Variants in LRMDA observed in about 807,000 individuals in gnomAD.
LRMDA encodes the protein leucine rich melanocyte differentiation associated, also known as leucine-rich melanocyte differentiation-associated protein.
LRMDA carries 18 observed loss-of-function variants against 29.8 expected under a neutral mutation model. The observed-to-expected ratio is 0.60, with a 90% CI of 0.42 to 0.90. The LOEUF is 0.90. LRMDA is among the 40% of genes least tolerant of loss of function. The pLI is 0.00. For missense variants in LRMDA, 273 were observed against 273.9 expected, an observed-to-expected ratio of 1.00 and a Z score of 0.02; for synonymous variants, 125 against 109.4, an observed-to-expected ratio of 1.14 and a Z score of -0.89.
At chr10:75,435,056 G>A (rs1049770875) in intron 1 of LRMDA, among the ~76,000 whole-genome samples, 8 of 152,162 alleles carry the variant, frequency 5.3e-5, no homozygotes. Context: ...CCTGGTAATG[G>A]TGTCCCTTCC....
At chr10:76,066,107 C>T (rs1054016076) in intron 5 of LRMDA, among the ~76,000 whole-genome samples, 2 of 152,202 alleles carry the variant, frequency 1.3e-5, no homozygotes, top group African/African-American at 4.8e-5. Flanking sequence ...CCTACCTCTG[C>T]TGCATCTCTG....
intron 2 of LRMDA, among the ~76,000 whole-genome samples, chr10:76,006,394 G>A (rs982929968): frequency 2.6e-5 from 4 of 152,124 alleles, no homozygotes; most frequent in African/African-American, 4.8e-5. Context: ...GCCTCTGTCC[G>A]GCCATGTGAA....
chr10:75,559,408 G>C (rs1840260660), intron 2 of LRMDA, among the ~76,000 whole-genome samples: 1 of 151,878 alleles, frequency 6.6e-6, no homozygotes, highest in African/African-American at 2.4e-5. Context: ...ATTTGTTTGA[G>C]TTCATTGTAG....
intron 2 of LRMDA, among the ~76,000 whole-genome samples, chr10:75,625,569 TA>T (rs1485972508): frequency 2.6e-5 from 4 of 152,210 alleles, no homozygotes; most frequent in African/African-American, 7.2e-5. Context: ...GTTATTTATC[TA>T]GGTGAAAATA....
chr10:76,399,166 A>G (rs1406092369), intron 6 of LRMDA, among the ~76,000 whole-genome samples: 1 of 152,180 alleles, frequency 6.6e-6, no homozygotes, highest in African/African-American at 2.4e-5. Context: ...AATTTCTAAT[A>G]AAGTTGATTT....
chr10:75,454,157 G>A (rs977713024), intron 2 of LRMDA, among the ~76,000 whole-genome samples: 2 of 152,330 alleles, frequency 1.3e-5, no homozygotes, highest in African/African-American at 4.8e-5. Flanking sequence ...GACGCTTCTG[G>A]AATGAGGGTC....
intron 2 of LRMDA, among the ~76,000 whole-genome samples, chr10:75,532,149 G>T (rs1226227683): frequency 1.3e-5 from 2 of 150,700 alleles, no homozygotes; most frequent in Non-Finnish European, 2.9e-5. Flanking sequence ...CCCCTTTTAT[G>T]ACCTCTTGGG....
chr10:75,556,804 C>T (rs1187282661), intron 2 of LRMDA, among the ~76,000 whole-genome samples: 10 of 146,034 alleles, frequency 6.8e-5, no homozygotes, highest in African/African-American at 2.5e-4. Flanking sequence ...TAGCTTTAGG[C>T]AGATTGCAAC....
At chr10:76,278,350 CT>C (rs1840161527) in intron 5 of LRMDA, among the ~76,000 whole-genome samples, 1 of 152,122 alleles carries the variant, frequency 6.6e-6, no homozygotes, top group Admixed American at 6.6e-5. Context: ...GTAAGAAATT[CT>C]TTAAAAATAT....
intron 2 of LRMDA, among the ~76,000 whole-genome samples, chr10:75,539,658 A>T (rs1839992267): frequency 6.6e-6 from 1 of 152,210 alleles, no homozygotes; most frequent in Non-Finnish European, 1.5e-5. Flanking sequence ...CATGGTGGTG[A>T]TTTGTAGGAA....
intron 2 of LRMDA, among the ~76,000 whole-genome samples, chr10:75,604,178 C>T (rs1470335009): frequency 6.6e-6 from 1 of 152,002 alleles, no homozygotes; most frequent in African/African-American, 2.4e-5. Context: ...TTTATAAGAT[C>T]AAGCCCATTT....
chr10:75,648,848 A>G (rs919798735), intron 2 of LRMDA, among the ~76,000 whole-genome samples: 9 of 152,146 alleles, frequency 5.9e-5, no homozygotes, highest in African/African-American at 2.2e-4. Context: ...TGGTGGGCAT[A>G]TTCCCATATC....
At chr10:76,128,929 G>GAT (rs748875629) in intron 5 of LRMDA, among the ~76,000 whole-genome samples, 1 of 152,154 alleles carries the variant, frequency 6.6e-6, no homozygotes, top group Non-Finnish European at 1.5e-5. Flanking sequence ...AATTGTGAGG[G>GAT]ATACTCAGTG....
chr10:75,550,949 C>G (rs1840135114), intron 2 of LRMDA, among the ~76,000 whole-genome samples: 1 of 151,610 alleles, frequency 6.6e-6, no homozygotes. Context: ...TTCTTCTTTC[C>G]ATCCTTTGTT....
intron 2 of LRMDA, among the ~76,000 whole-genome samples, chr10:75,901,613 A>G (rs1294515966): frequency 6.6e-6 from 1 of 152,230 alleles, no homozygotes; most frequent in Admixed American, 6.5e-5. Flanking sequence ...GAGACAATCA[A>G]TGAGATTACA....
chr10:76,261,965 C>T (rs184978466), intron 5 of LRMDA, among the ~76,000 whole-genome samples: 4 of 152,116 alleles, frequency 2.6e-5, no homozygotes, highest in Middle Eastern at 3.4e-3. Flanking sequence ...AATTAGAAAA[C>T]GAGCCTCATG....
chr10:76,457,908 T>C (rs1426740331), intron 6 of LRMDA, among the ~76,000 whole-genome samples: 1 of 152,140 alleles, frequency 6.6e-6, no homozygotes, highest in African/African-American at 2.4e-5. Flanking sequence ...AATCATTTAC[T>C]AAGTATCAGC....
At chr10:75,954,282 G>A (rs896555899) in intron 2 of LRMDA, among the ~76,000 whole-genome samples, 2 of 152,182 alleles carry the variant, frequency 1.3e-5, no homozygotes, top group South Asian at 4.1e-4. Flanking sequence ...GAGGGGTGGA[G>A]CAGTTGTGTG....
intron 2 of LRMDA, among the ~76,000 whole-genome samples, chr10:75,462,485 T>C (rs1300448460): frequency 6.6e-6 from 1 of 152,234 alleles, no homozygotes; most frequent in Non-Finnish European, 1.5e-5. Context: ...TAGTGCGTGC[T>C]CATTCTGTGA....
Sources: gnomAD v4.1 joint callset for allele counts (sites outside exome capture counted in the v4.1 genomes callset) on GRCh38, gnomAD v4.1.1 for gene constraint, MANE v1.5 for transcripts, NCBI Gene and HGNC (gene_info 2026-07-23, HGNC 2026-07-21) for gene names.